Variants in TENM3 observed in about 807,000 individuals in gnomAD.
The protein encoded by TENM3 is teneurin transmembrane protein 3, also known as teneurin-3.
A neutral mutation model predicts 255.1 loss-of-function variants in TENM3; 63 were observed. The ratio of observed to expected loss-of-function variants is 0.25; its 90% CI spans 0.20 to 0.30. TENM3 has a LOEUF of 0.30. TENM3 is among the 10% of genes least tolerant of loss of function. The pLI is 1.00. For synonymous variants in TENM3, 1,306 were observed against 1,322.3 expected (o/e 0.99, Z 0.27); for missense variants, 2,929 against 3,461.1 (o/e 0.85, Z 3.86).
At chr4:182,608,327 C>T (rs1748630724) in intron 4 of TENM3, among the ~76,000 whole-genome samples, 1 of 152,166 alleles carries the variant, frequency 6.6e-6, no homozygotes, top group African/African-American at 2.4e-5. Flanking sequence ...AATCACGGCT[C>T]CCAGCAGTCT....
the TENM3 span, among the ~76,000 whole-genome samples, chr4:181,821,990 T>C: frequency 6.6e-6 from 1 of 152,248 alleles, no homozygotes; most frequent in Non-Finnish European, 1.5e-5. Context: ...TGTTCACAAT[T>C]ATTCTATACA....
the TENM3 span, among the ~76,000 whole-genome samples, chr4:181,767,154 A>G: frequency 7.0e-6 from 1 of 143,262 alleles, no homozygotes; most frequent in Admixed American, 7.2e-5. Context: ...CGGGAGGCTG[A>G]GGCAGGAGAA....
intron 3 of TENM3, among the ~76,000 whole-genome samples, chr4:182,550,291 T>C (rs1741870042): frequency 6.6e-6 from 1 of 152,244 alleles, no homozygotes; most frequent in African/African-American, 2.4e-5. Context: ...ATACTTTGAT[T>C]CACAAAATAA....
At chr4:181,811,892 C>T in the TENM3 span, among the ~76,000 whole-genome samples, 66 of 152,262 alleles carry the variant, frequency 4.3e-4, no homozygotes, top group African/African-American at 1.5e-3. Context: ...ACTTCATTGC[C>T]GTGAATACTT....
the TENM3 span, among the ~76,000 whole-genome samples, chr4:181,994,261 T>G: frequency 6.6e-6 from 1 of 152,228 alleles, no homozygotes; most frequent in African/African-American, 2.4e-5. Context: ...CCTATATAGA[T>G]AATTCAAATT....
chr4:182,448,995 C>A (rs1407027659), intron 3 of TENM3: 2 of 399,684 alleles, frequency 5.0e-6, no homozygotes, highest in Admixed American at 2.8e-5. Context: ...CGGAGCCAGG[C>A]GCTGTAACAC....
chr4:181,862,491 A>C, the TENM3 span, among the ~76,000 whole-genome samples: 5 of 152,014 alleles, frequency 3.3e-5, no homozygotes, highest in Non-Finnish European at 7.4e-5. Flanking sequence ...TAAGCTTTTA[A>C]GCTTCATTAA....
chr4:182,128,915 T>C, the TENM3 span, among the ~76,000 whole-genome samples: 3 of 145,140 alleles, frequency 2.1e-5, no homozygotes, highest in Non-Finnish European at 4.5e-5. Flanking sequence ...TTGAGCAAAA[T>C]GTAATAGACT....
intron 7 of TENM3, among the ~76,000 whole-genome samples, chr4:182,677,670 A>G (rs943993450): frequency 6.6e-6 from 1 of 152,228 alleles, no homozygotes; most frequent in African/African-American, 2.4e-5. Context: ...ATAAATGAAA[A>G]TAAACATTTT....
At chr4:181,791,473 C>T in the TENM3 span, among the ~76,000 whole-genome samples, 1 of 152,056 alleles carries the variant, frequency 6.6e-6, no homozygotes, top group Non-Finnish European at 1.5e-5. Flanking sequence ...TGTTTGTAAA[C>T]AAAGTGTGAA....
chr4:181,695,986 A>C, the TENM3 span, among the ~76,000 whole-genome samples: 1 of 151,926 alleles, frequency 6.6e-6, no homozygotes, highest in Admixed American at 6.6e-5. Flanking sequence ...ATATAACTTT[A>C]CCATTTTGGA....
the TENM3 span, among the ~76,000 whole-genome samples, chr4:181,502,588 T>A: frequency 6.6e-6 from 1 of 152,368 alleles, no homozygotes; most frequent in South Asian, 2.1e-4. Context: ...ATGTCTCATG[T>A]CCTGGAAGAC....
the TENM3 span, among the ~76,000 whole-genome samples, chr4:181,881,680 G>C: frequency 6.6e-6 from 1 of 152,080 alleles, no homozygotes; most frequent in Non-Finnish European, 1.5e-5. Context: ...ATATGAGTGG[G>C]ACTGAGTGTG....
the TENM3 span, among the ~76,000 whole-genome samples, chr4:181,839,830 G>T: frequency 6.6e-6 from 1 of 151,510 alleles, no homozygotes; most frequent in Admixed American, 6.6e-5. Context: ...TTTGTCTTTA[G>T]TATCTTGCAG....
the TENM3 span, among the ~76,000 whole-genome samples, chr4:181,588,849 C>T: frequency 6.6e-6 from 1 of 152,216 alleles, no homozygotes; most frequent in South Asian, 2.1e-4. Context: ...GAATTATAGA[C>T]TTATAAAGAG....
At chr4:181,699,472 A>AAAAAAAAAAT in the TENM3 span, among the ~76,000 whole-genome samples, 1 of 133,000 alleles carries the variant, frequency 7.5e-6, no homozygotes, top group African/African-American at 3.0e-5. Context: ...AAAAAAAAAA[A>AAAAAAAAAAT]GAAAGAAAGA....
At chr4:182,567,059 A>G (rs1292391643) in intron 3 of TENM3, among the ~76,000 whole-genome samples, 1 of 152,232 alleles carries the variant, frequency 6.6e-6, no homozygotes, top group Non-Finnish European at 1.5e-5. Context: ...GGAAAAAAAG[A>G]AAAACTTCTA....
At chr4:181,719,539 T>C in the TENM3 span, among the ~76,000 whole-genome samples, 1 of 152,178 alleles carries the variant, frequency 6.6e-6, no homozygotes, top group Non-Finnish European at 1.5e-5. Flanking sequence ...CCTCACACGG[T>C]GGAAGCGCAA....
Position 182,553,253 on chromosome 4 carries a change from C to A in TENM3, c.512-47671C>A, listed in dbSNP as rs145033424. ...GGGACTACAGGCAAGAGCCACCACG[C>A]CCAGCAGTGCTTCTATAGTCTTCAT... On this transcript the variant is annotated intron_variant, in intron 3 of 27. Coordinates refer to ENST00000511685, the MANE Select transcript of TENM3 (RefSeq NM_001080477.4). Among the ~76,000 whole-genome samples, 378 of 151,984 alleles carry A rather than the reference C, an allele frequency of 2.5e-3. 3 individuals carry two copies. The highest frequency in any genetic ancestry group is 3.8e-4 in the Non-Finnish European group (26 of 67,986).
Sources: gnomAD v4.1 joint callset for allele counts (sites outside exome capture counted in the v4.1 genomes callset) on GRCh38, gnomAD v4.1.1 for gene constraint, MANE v1.5 for transcripts, NCBI Gene and HGNC (gene_info 2026-07-23, HGNC 2026-07-21) for gene names.